AGPS: variants seen among roughly 807,000 people sequenced by gnomAD.
AGPS encodes alkylglycerone phosphate synthase.
AGPS carries 26 observed loss-of-function variants against 90.7 expected under a neutral mutation model. The observed-to-expected ratio is 0.29, with a 90% CI of 0.21 to 0.40. The LOEUF (loss-of-function observed/expected upper bound fraction) is 0.40, where lower values mean the gene tolerates loss of function less well. Among genes scored for constraint, AGPS ranks in the 10% least tolerant of loss-of-function variants. AGPS has a pLI of 1.00. For synonymous variants in AGPS, 294 were observed against 285.3 expected (o/e 1.03, Z -0.31); for missense variants, 540 against 816.1 (o/e 0.66, Z 4.12).
chr2:177,475,710 A>G (rs905529526), intron 10 of AGPS, among the ~76,000 whole-genome samples: 7 of 152,116 alleles, frequency 4.6e-5, no homozygotes, highest in African/African-American at 1.7e-4. Flanking sequence ...CATTACTGAG[A>G]TTGTTTCCAC....
At chr2:177,501,491 T>C (rs954447600) in intron 14 of AGPS, among the ~76,000 whole-genome samples, 4 of 152,226 alleles carry the variant, frequency 2.6e-5, no homozygotes. Context: ...TAGTTCATTC[T>C]AGATACTTGA....
At chr2:177,497,561 C>A in intron 12 of AGPS, 128 bp from the exon 13 acceptor site, 1 of 415,718 alleles carries the variant, frequency 2.4e-6, no homozygotes, top group Non-Finnish European at 4.4e-6. Context: ...GTAAATAACA[C>A]GGGAAGATTT....
intron 10 of AGPS, among the ~76,000 whole-genome samples, chr2:177,472,371 G>A (rs1441550692): frequency 6.7e-6 from 1 of 149,888 alleles, no homozygotes; most frequent in Non-Finnish European, 1.5e-5. Flanking sequence ...CCTTTTTTTG[G>A]TTCTGTTTCT....
chr2:177,402,800 TA>T (rs1302829757), intron 1 of AGPS, among the ~76,000 whole-genome samples: 1 of 152,222 alleles, frequency 6.6e-6, no homozygotes, highest in East Asian at 1.9e-4. Flanking sequence ...CTCACGCCTG[TA>T]ATCCCAGCAC....
chr2:177,458,149 C>A (rs1042267401), intron 8 of AGPS, among the ~76,000 whole-genome samples: 3 of 152,166 alleles, frequency 2.0e-5, no homozygotes, highest in Non-Finnish European at 4.4e-5. Context: ...CCCCTTCATG[C>A]TAAAAACTCT....
In AGPS at chr2:177,538,275, CAT is replaced by C; in HGVS notation, c.*81_*82del. The C allele has an allele frequency of 7.2e-7, 1 of 1,380,366 alleles. No homozygotes were observed. The highest frequency in any genetic ancestry group is 1.0e-6 in the Non-Finnish European group (1 of 976,460). The allele number at this position is 1,380,366 out of a possible 1,614,324, so 85.5% of individuals were successfully genotyped here. A position where few individuals can be genotyped will look rare whatever the true frequency, so the allele number is the denominator to read the frequency against. On this transcript the variant is annotated 3_prime_UTR_variant, in exon 20 of 20. Transcript: ENST00000264167. Reference sequence around the variant, plus strand: ...TGGTTATACTAGTAATCAAATATATCATGGACTATATTTTGGATACATTTGTT... The same window carrying C: ...TGGTTATACTAGTAATCAAATATATCGGACTATATTTTGGATACATTTGTT...
At chr2:177,477,289 T>C (rs902928551) in intron 10 of AGPS, among the ~76,000 whole-genome samples, 1 of 152,124 alleles carries the variant, frequency 6.6e-6, no homozygotes, top group African/African-American at 2.4e-5. Context: ...GCCTTAGTGA[T>C]TTTTTTCAGT....
At chr2:177,490,685 C>T (rs563311345) in intron 11 of AGPS, among the ~76,000 whole-genome samples, 76 of 151,920 alleles carry the variant, frequency 5.0e-4, no homozygotes, top group African/African-American at 1.7e-3. Context: ...GCCTTTTTTC[C>T]AGCTTTTTAA....
intron 1 of AGPS, among the ~76,000 whole-genome samples, chr2:177,414,287 A>G (rs1172981664): frequency 6.6e-6 from 1 of 151,948 alleles, no homozygotes; most frequent in Admixed American, 6.6e-5. Flanking sequence ...GCTCACTGCA[A>G]CCTTGAACTC....
chr2:177,441,272 TAATTTAA>T (rs986433874), intron 6 of AGPS: 1 of 462,266 alleles, frequency 2.2e-6, no homozygotes, highest in African/African-American at 2.0e-5. Flanking sequence ...GTTGAAGCTG[TAATTTAA>T]TGCCTGAATA....
intron 1 of AGPS, among the ~76,000 whole-genome samples, chr2:177,398,707 TAATA>T (rs1297607676): frequency 6.6e-6 from 1 of 152,218 alleles, no homozygotes; most frequent in Non-Finnish European, 1.5e-5. Flanking sequence ...ATGTTGTACT[TAATA>T]AATTATAAAA....
intron 1 of AGPS, 34 bp downstream of exon 1, chr2:177,393,083 A>G: frequency 6.5e-7 from 1 of 1,550,240 alleles, no homozygotes; most frequent in Non-Finnish European, 8.7e-7. Context: ...GTTAGCGTCG[A>G]GGGACCAGGC....
chr2:177,521,785 A>G (rs950699637), intron 18 of AGPS, among the ~76,000 whole-genome samples: 3 of 152,144 alleles, frequency 2.0e-5, no homozygotes, highest in Admixed American at 6.5e-5. Context: ...TTTATATGCT[A>G]TAGCTGTAAG....
chr2:177,530,560 A>T (rs547212238), intron 19 of AGPS, among the ~76,000 whole-genome samples: 5 of 152,316 alleles, frequency 3.3e-5, no homozygotes, highest in Admixed American at 3.3e-4. Context: ...AGGCAGTGTC[A>T]TGACACTCTC....
At chr2:177,430,082 T>A (rs1403710853) in intron 2 of AGPS, among the ~76,000 whole-genome samples, 1 of 152,210 alleles carries the variant, frequency 6.6e-6, no homozygotes, top group Non-Finnish European at 1.5e-5. Context: ...CAATCTGGCA[T>A]AGCAGCTGTG....
chr2:177,399,767 C>T (rs1574337879), intron 1 of AGPS, among the ~76,000 whole-genome samples: 1 of 152,230 alleles, frequency 6.6e-6, no homozygotes, highest in Non-Finnish European at 1.5e-5. Flanking sequence ...ATCCCAGTGG[C>T]TCCTTCCACC....
intron 9 of AGPS, among the ~76,000 whole-genome samples, chr2:177,465,493 C>T (rs1391443385): frequency 2.6e-5 from 4 of 152,194 alleles, no homozygotes; most frequent in Admixed American, 2.6e-4. Context: ...GTGCTTGGCT[C>T]ACGCTGCTGG....
intron 2 of AGPS, among the ~76,000 whole-genome samples, chr2:177,424,079 C>G (rs1686010067): frequency 6.6e-6 from 1 of 152,062 alleles, no homozygotes; most frequent in East Asian, 1.9e-4. Context: ...AGCCCACTAT[C>G]CATTAGCTGT....
At chr2:177,493,124 C>CTTT (rs763200822) in intron 11 of AGPS, 24 bp from the exon 12 acceptor site, 4 of 1,466,928 alleles carry the variant, frequency 2.7e-6, no homozygotes, top group South Asian at 1.2e-5. Context: ...ATTTGTATCA[C>CTTT]TTTTTTTTTT....
Sources: allele counts gnomAD v4.1 joint callset (sites outside exome capture counted in the v4.1 genomes callset), GRCh38; gene constraint gnomAD v4.1.1; transcripts MANE v1.5; gene names NCBI Gene and HGNC (gene_info 2026-07-23, HGNC 2026-07-21).